Variants in IL1RAPL1 observed in about 807,000 individuals in gnomAD.
The protein encoded by IL1RAPL1 is interleukin 1 receptor accessory protein like 1.
Under a neutral mutation model 48.4 loss-of-function variants are expected in IL1RAPL1, and 3 were observed. The observed-to-expected ratio is 0.06, with a 90% CI of 0.03 to 0.16. The LOEUF (loss-of-function observed/expected upper bound fraction) is 0.16, where lower values mean the gene tolerates loss of function less well. Among genes scored for constraint, IL1RAPL1 ranks in the 10% least tolerant of loss-of-function variants. IL1RAPL1 has a pLI of 1.00. For synonymous variants in IL1RAPL1, 185 were observed against 187.7 expected (o/e 0.99, Z 0.12); for missense variants, 349 against 530.6 (o/e 0.66, Z 3.36).
At chrX:29,804,587 C>T (rs976364684) in intron 6 of IL1RAPL1, among the ~76,000 whole-genome samples, 1 of 111,832 alleles carries the variant, frequency 8.9e-6, no homozygotes, top group Non-Finnish European at 1.9e-5. Context: ...CCCTGTAAGA[C>T]ATACCCTTGC....
chrX:28,733,950 C>T (rs895071353), intron 1 of IL1RAPL1, among the ~76,000 whole-genome samples: 3 of 111,445 alleles, frequency 2.7e-5, no homozygotes, highest in African/African-American at 6.5e-5. Context: ...ACACCCATTC[C>T]CATATCAGTT....
intron 2 of IL1RAPL1, among the ~76,000 whole-genome samples, chrX:29,093,903 A>T (rs7060591): frequency 7.9e-4 from 89 of 112,009 alleles, no homozygotes; most frequent in African/African-American, 2.8e-3. Flanking sequence ...AGTGTAGGCG[A>T]GCCTAGCCCT....
intron 6 of IL1RAPL1, among the ~76,000 whole-genome samples, chrX:29,879,357 ATGTGTGTG>A (rs370851302): frequency 0.029 from 2,467 of 83,968 alleles, 95 homozygotes; most frequent in African/African-American, 0.1. Context: ...AGTTTTATAT[ATGTGTGTG>A]TGTGTGTGTG....
chrX:28,732,160 C>G (rs906717628), intron 1 of IL1RAPL1, among the ~76,000 whole-genome samples: 9 of 112,203 alleles, frequency 8.0e-5, no homozygotes, highest in Admixed American at 3.8e-4. Flanking sequence ...TTACATTCGT[C>G]TGAGAGGAAG....
chrX:29,658,116 T>A (rs1279124871), intron 5 of IL1RAPL1, among the ~76,000 whole-genome samples: 1 of 112,055 alleles, frequency 8.9e-6, no homozygotes, highest in African/African-American at 3.2e-5. Context: ...AAGTGAAATT[T>A]AAAAATATTG....
chrX:29,366,327 T>G (rs908290360), intron 3 of IL1RAPL1, among the ~76,000 whole-genome samples: 3 of 110,315 alleles, frequency 2.7e-5, no homozygotes, highest in Non-Finnish European at 5.7e-5. Flanking sequence ...TTTGTGTTTT[T>G]AAAAACTACT....
At chrX:28,890,686 C>T (rs1239940193) in intron 2 of IL1RAPL1, among the ~76,000 whole-genome samples, 1 of 111,689 alleles carries the variant, frequency 9.0e-6, no homozygotes, top group Non-Finnish European at 1.9e-5. Context: ...TGGGTACTTT[C>T]TACAGAACCA....
chrX:29,451,359 T>A (rs2147726806), intron 5 of IL1RAPL1, among the ~76,000 whole-genome samples: 1 of 109,007 alleles, frequency 9.2e-6, no homozygotes, highest in East Asian at 2.9e-4. Flanking sequence ...CATGCCTGGC[T>A]AATTTTTTTA....
chrX:29,087,604 T>A (rs924426305), intron 2 of IL1RAPL1, among the ~76,000 whole-genome samples: 3 of 112,497 alleles, frequency 2.7e-5, no homozygotes, highest in Non-Finnish European at 5.6e-5. Context: ...CAACAATAAT[T>A]AAGCAATGAA....
chrX:29,876,053 C>T (rs7889932), intron 6 of IL1RAPL1, among the ~76,000 whole-genome samples: 3,551 of 110,710 alleles, frequency 0.032, 126 homozygotes, highest in African/African-American at 0.11. Flanking sequence ...AGTAGGCCCC[C>T]GTGTATTAGT....
At chrX:28,974,726 C>T (rs1301754799) in intron 2 of IL1RAPL1, among the ~76,000 whole-genome samples, 1 of 111,859 alleles carries the variant, frequency 8.9e-6, no homozygotes, top group African/African-American at 3.2e-5. Flanking sequence ...CCATTTGGCT[C>T]ATAAATGGCC....
chrX:29,306,728 G>C (rs1285906344), intron 3 of IL1RAPL1, among the ~76,000 whole-genome samples: 1 of 103,656 alleles, frequency 9.6e-6, no homozygotes, highest in Non-Finnish European at 2.0e-5. Flanking sequence ...GGGCGTTGTG[G>C]TGCACGCCTA....
intron 6 of IL1RAPL1, among the ~76,000 whole-genome samples, chrX:29,717,540 T>C (rs1029830794): frequency 1.8e-5 from 2 of 112,455 alleles, no homozygotes; most frequent in Middle Eastern, 4.2e-3. Flanking sequence ...CAAATCATTA[T>C]AGAAAAACAA....
intron 5 of IL1RAPL1, among the ~76,000 whole-genome samples, chrX:29,484,579 G>A (rs1330509690): frequency 9.0e-6 from 1 of 111,603 alleles, no homozygotes. Context: ...GGTACCAGAG[G>A]GGAAGAATGG....
chrX:29,753,730 A>G (rs1255466764), intron 6 of IL1RAPL1, among the ~76,000 whole-genome samples: 1 of 111,680 alleles, frequency 9.0e-6, no homozygotes, highest in Non-Finnish European at 1.9e-5. Context: ...GACCCTTAAT[A>G]ATAATATTTA....
intron 2 of IL1RAPL1, among the ~76,000 whole-genome samples, chrX:28,992,012 A>G (rs1925615782): frequency 8.9e-6 from 1 of 111,928 alleles, no homozygotes; most frequent in African/African-American, 3.2e-5. Flanking sequence ...TATTGGCTTC[A>G]GTTTTTACTG....
At chrX:29,871,101 T>C (rs1038684830) in intron 6 of IL1RAPL1, among the ~76,000 whole-genome samples, 3 of 111,925 alleles carry the variant, frequency 2.7e-5, no homozygotes, top group African/African-American at 9.7e-5. Context: ...CCTCAGTGTG[T>C]GGCCCCCTTT....
intron 2 of IL1RAPL1, among the ~76,000 whole-genome samples, chrX:29,139,411 A>G (rs148218679): frequency 0.012 from 1,302 of 111,250 alleles, 17 homozygotes; most frequent in African/African-American, 0.039. Context: ...AGAACTCAAT[A>G]ATATATAATT....
chrX:29,655,645 A>G (rs1220378021), intron 5 of IL1RAPL1, among the ~76,000 whole-genome samples: 1 of 85,606 alleles, frequency 1.2e-5, no homozygotes, highest in Non-Finnish European at 2.2e-5. Context: ...CGTGGGTGAC[A>G]GTCTCCAAAA....
Sources: gnomAD v4.1 joint callset for allele counts (sites outside exome capture counted in the v4.1 genomes callset) on GRCh38, gnomAD v4.1.1 for gene constraint, MANE v1.5 for transcripts, NCBI Gene and HGNC (gene_info 2026-07-23, HGNC 2026-07-21) for gene names.